IL31RA: variants seen among roughly 807,000 people sequenced by gnomAD.
The protein encoded by IL31RA is interleukin-31 receptor subunit alpha.
IL31RA carries 66 observed loss-of-function variants against 83.7 expected under a neutral mutation model. That is an observed-to-expected ratio of 0.79 (90% CI 0.65 to 0.97). IL31RA has a LOEUF of 0.97. Among genes scored for constraint, IL31RA ranks in the 50% least tolerant of loss-of-function variants. The pLI is 0.00. For missense variants in IL31RA, 798 were observed against 919.4 expected, an observed-to-expected ratio of 0.87 and a Z score of 1.71; for synonymous variants, 325 against 329.0, an observed-to-expected ratio of 0.99 and a Z score of 0.13.
At chr5:55,896,795 C>T (rs1748400394) in intron 7 of IL31RA, among the ~76,000 whole-genome samples, 1 of 60,252 alleles carries the variant, frequency 1.7e-5, no homozygotes, top group Non-Finnish European at 3.2e-5. Context: ...CTATCTCTCT[C>T]TCTCTTTCCC....
chr5:55,867,127 G>GTGTGCA lies in IL31RA; in HGVS notation c.155-1660_155-1659insCATGTG, dbSNP rs1242820055. Among the ~76,000 whole-genome samples the GTGTGCA allele has an allele frequency of 5.5e-3, 614 of 110,694 alleles. 7 individuals carry two copies. The highest frequency in any genetic ancestry group is 8.8e-3 in the Non-Finnish European group (405 of 45,862). The allele number at this position is 110,694 out of a possible 152,430, so 72.6% of individuals were successfully genotyped here. A position where few individuals can be genotyped will look rare whatever the true frequency, so the allele number is the denominator to read the frequency against. ...TGTGTGTGTGCATGTGTGTGTTTGTGTGTGTGTGCATGTGTGTGTGCATGT... is the reference window on the plus strand; with the variant it reads ...TGTGTGTGTGCATGTGTGTGTTTGTGTGTGCATGTGTGTGCATGTGTGTGTGCATGT... On this transcript the variant is annotated intron_variant, in intron 2 of 14. Coordinates refer to ENST00000652347, the MANE Select transcript of IL31RA (RefSeq NM_139017.7).
Position 55,917,004 on chromosome 5 carries a change from G to C in IL31RA, c.2179G>C (p.Val727Leu). The C allele has an allele frequency of 1.2e-6, 2 of 1,614,174 alleles. No individual in the cohort carries two copies. The highest frequency in any genetic ancestry group is 1.7e-6 in the Non-Finnish European group (2 of 1,180,016). Reference sequence around the variant, plus strand: ...GCTTCTCTTTTCTGGTCAAAGTTTAGTACCAGATCATCTGTGTGAGGAAGG... The same window carrying C: ...GCTTCTCTTTTCTGGTCAAAGTTTACTACCAGATCATCTGTGTGAGGAAGG... ...EQLLFSGQSL[V>L]PDHLCEEGAP... Residue 727 changes from valine (V) to leucine (L), a missense_variant, in exon 15 of 15, where the codon GTA becomes CTA. Val to Leu is a conservative substitution (Grantham distance 32). Coordinates refer to ENST00000652347, the MANE Select transcript of IL31RA (RefSeq NM_139017.7).
At chr5:55,871,348 G>A (rs1253573283) in intron 3 of IL31RA, among the ~76,000 whole-genome samples, 2 of 152,176 alleles carry the variant, frequency 1.3e-5, no homozygotes, top group African/African-American at 4.8e-5. Flanking sequence ...TATTCCATGT[G>A]TATATGTCTT....
chr5:55,917,450 T>G lies in IL31RA; in HGVS notation c.*330T>G. 1 of 606,158 alleles carries G rather than the reference T, an allele frequency of 1.6e-6. No homozygotes were observed. Among genetic ancestry groups the G allele is most frequent in the Non-Finnish European group, 2.4e-6 (1 of 422,950 alleles). The allele number at this position is 606,158 out of a possible 1,614,324, so 37.5% of individuals were successfully genotyped here. ...GCCCAAAGGACCCCCAGGGTGGACA[T>G]ATCTGGCCTCCCAGGAATTGGGTCA... On this transcript the variant is annotated 3_prime_UTR_variant, in exon 15 of 15. Transcript: ENST00000652347.
chr5:55,915,047 G>A, intron 14 of IL31RA, 119 bp downstream of exon 14: 1 of 794,334 alleles, frequency 1.3e-6, no homozygotes, highest in Non-Finnish European at 2.2e-6. Context: ...GAGAACTGGA[G>A]TTGAAAAGTC....
Position 55,921,897 on chromosome 5 carries a change from T to G in IL31RA, c.*4777T>G, listed in dbSNP as rs1481522195. The stretch of plus-strand genomic sequence containing the variant: ...CAGCGGGTGGACTTTGCCATTTGGT[T>G]GACTATTTAAAATACTTGTTTTTGT... On this transcript the variant is annotated 3_prime_UTR_variant, in exon 15 of 15. Coordinates refer to ENST00000652347, the MANE Select transcript of IL31RA (RefSeq NM_139017.7). Among the ~76,000 whole-genome samples the G allele has an allele frequency of 6.6e-6, 1 of 152,162 alleles. No homozygotes were observed. The highest frequency in any genetic ancestry group is 1.5e-5 in the Non-Finnish European group (1 of 68,020).
rs2112596252 is a variant in IL31RA at position 55,916,719 on chromosome 5, A to G, written c.1894A>G (p.Ser632Gly). The change falls in exon 15 of 15, where the codon AGT becomes GGT. Residue 632 changes from serine to glycine, a missense_variant. Physicochemically the swap from Ser to Gly is moderately conservative, Grantham distance 56. Coordinates refer to ENST00000652347, the MANE Select transcript of IL31RA (RefSeq NM_139017.7). ...DRILKPCSTPSDKLVIDKLVV... is the reference protein window; with the variant it reads ...DRILKPCSTPGDKLVIDKLVV... ...GATCTTAAAACCATGTTCCACCCCCAGTGACAAGTTGGTGATTGACAAGTT... is the reference window on the plus strand; with the variant it reads ...GATCTTAAAACCATGTTCCACCCCCGGTGACAAGTTGGTGATTGACAAGTT... 6.2e-7 allele frequency: 1 copy of G among 1,614,204 alleles called. No individual in the cohort carries two copies. The highest frequency in any genetic ancestry group is 8.5e-7 in the Non-Finnish European group (1 of 1,180,022).
At chr5:55,900,674 C>T (rs765966670) in intron 8 of IL31RA, among the ~76,000 whole-genome samples, 7 of 152,164 alleles carry the variant, frequency 4.6e-5, no homozygotes, top group Non-Finnish European at 8.8e-5. Context: ...CATATTACTG[C>T]TCCCAGGCAA....
chr5:55,887,845 C>T (rs182749403), intron 5 of IL31RA, among the ~76,000 whole-genome samples: 50 of 150,654 alleles, frequency 3.3e-4, no homozygotes, highest in African/African-American at 1.1e-3. Flanking sequence ...AGATCGCCAC[C>T]GTACTCCAGC....
rs1248515209 is a variant in IL31RA, at chr5:55,910,535, A to G, written c.1505A>G (p.Lys502Arg). 3 of 1,614,120 alleles carry G rather than the reference A, an allele frequency of 1.9e-6. No homozygotes were observed. Among genetic ancestry groups the G allele is most frequent in the African/African-American group, 2.7e-5 (2 of 75,014 alleles). The change falls in exon 12 of 15, where the codon AAG (lysine) becomes AGG (arginine). Residue 502 changes from lysine (K) to arginine (R), a missense_variant. Coordinates refer to ENST00000652347, the MANE Select transcript of IL31RA (RefSeq NM_139017.7). ...GACCTTTGTATTTTTCCTTTAGCCA[A>G]GACAGTCAATTCCAGCATCTTGCAG... Reference protein sequence around the residue: ...YQAEGGKGFSKTVNSSILQYG... With the variant: ...YQAEGGKGFSRTVNSSILQYG...
chr5:55,869,401 G>C (rs1746375735), intron 3 of IL31RA, among the ~76,000 whole-genome samples: 1 of 152,016 alleles, frequency 6.6e-6, no homozygotes, highest in Admixed American at 6.6e-5. Flanking sequence ...CAATTCTGTA[G>C]AATGAAAATT....
At chr5:55,883,304 G>A in intron 5 of IL31RA, 109 bp downstream of exon 5, 1 of 1,035,810 alleles carries the variant, frequency 9.7e-7, no homozygotes, top group Non-Finnish European at 1.5e-6. Context: ...ATTAAAAATA[G>A]AAGAGAGACA....
chr5:55,856,862 T>G (rs1164869020), intron 1 of IL31RA, among the ~76,000 whole-genome samples: 2 of 152,220 alleles, frequency 1.3e-5, no homozygotes, highest in Non-Finnish European at 2.9e-5. Context: ...TCTCCTTTCT[T>G]TCCTCAAAGT....
At chr5:55,894,553 T>A (rs1264493060) in intron 6 of IL31RA, among the ~76,000 whole-genome samples, 1 of 152,242 alleles carries the variant, frequency 6.6e-6, no homozygotes, top group Non-Finnish European at 1.5e-5. Flanking sequence ...TGGGAGATCC[T>A]GGGCCTAACA....
chr5:55,854,292 T>A, intron 1 of IL31RA, among the ~76,000 whole-genome samples: 1 of 152,200 alleles, frequency 6.6e-6, no homozygotes, highest in African/African-American at 2.4e-5. Flanking sequence ...CAGCTCGCAA[T>A]CTCATCTTGG....
chr5:55,886,565 T>G (rs1747631700), intron 5 of IL31RA, among the ~76,000 whole-genome samples: 1 of 152,160 alleles, frequency 6.6e-6, no homozygotes, highest in Non-Finnish European at 1.5e-5. Flanking sequence ...TAAGCCACCA[T>G]GCCTGGCCTT....
chr5:55,864,636 C>T (rs552088360), intron 2 of IL31RA, among the ~76,000 whole-genome samples: 15 of 150,776 alleles, frequency 9.9e-5, no homozygotes, highest in African/African-American at 2.9e-4. Flanking sequence ...ACAGACCACA[C>T]GCACACACCA....
Position 55,851,428 on chromosome 5 carries a change from A to T in IL31RA, c.-143A>T. The T allele has an allele frequency of 6.7e-7, 1 of 1,492,202 alleles. No individual in the cohort carries two copies. The highest frequency in any genetic ancestry group is 1.4e-5 in the African/African-American group (1 of 72,460). 92.4% of individuals were successfully genotyped at this position (1,492,202 alleles called of 1,614,324 possible). ...GCTTGGGGGGCATTCGAAACAGCAA[A>T]ATCACTCATAAAAGGCAAAAAATTG... is the stretch of plus-strand genomic sequence containing the variant. On this transcript the variant is annotated 5_prime_UTR_variant, in exon 1 of 15. Transcript: ENST00000652347.
At chr5:55,852,811 C>T (rs1008856165) in intron 1 of IL31RA, among the ~76,000 whole-genome samples, 14 of 152,164 alleles carry the variant, frequency 9.2e-5, no homozygotes, top group African/African-American at 3.4e-4. Context: ...AGTCTTGGCT[C>T]CACCACCCAT....
Sources: gnomAD v4.1 joint callset for allele counts (sites outside exome capture counted in the v4.1 genomes callset) on GRCh38, gnomAD v4.1.1 for gene constraint, MANE v1.5 for transcripts, NCBI Gene and HGNC (gene_info 2026-07-23, HGNC 2026-07-21) for gene names.